The following KCNC2 variants were observed in gnomAD, a reference collection of about 807,000 sequenced individuals.
The protein encoded by KCNC2 is potassium voltage-gated channel subfamily C member 2, also known as voltage-gated potassium channel KCNC2.
In KCNC2, 21 loss-of-function variants were observed where a neutral mutation model predicts 44.5. The ratio of observed to expected loss-of-function variants is 0.47; its 90% CI spans 0.33 to 0.68. KCNC2 has a LOEUF of 0.68. KCNC2 is among the 30% of genes least tolerant of loss of function. The pLI, the probability that KCNC2 is intolerant of heterozygous loss-of-function variation, is 0.01. For synonymous variants in KCNC2, 391 were observed against 339.1 expected, an observed-to-expected ratio of 1.15 and a Z score of -1.68; for missense variants, 589 against 826.2, an observed-to-expected ratio of 0.71 and a Z score of 3.52.
At chr12:75,202,197 A>T (rs905889638) in intron 2 of KCNC2, among the ~76,000 whole-genome samples, 8 of 151,882 alleles carry the variant, frequency 5.3e-5, no homozygotes, top group African/African-American at 1.9e-4. Flanking sequence ...AGCTCTTAGC[A>T]AAATATTACA....
Position 75,040,696 on chromosome 12 carries a change from A to G in KCNC2, c.*2409T>C, listed in dbSNP as rs1370097768. 6.1e-6 allele frequency: 1 copy of G among 164,970 alleles called. No homozygotes were observed. The highest frequency in any genetic ancestry group is 1.3e-5 in the Non-Finnish European group (1 of 75,032). 10.2% of individuals were successfully genotyped at this position (164,970 alleles called of 1,614,324 possible). A position where few individuals can be genotyped will look rare whatever the true frequency, so the allele number is the denominator to read the frequency against. On this transcript the variant is annotated 3_prime_UTR_variant, in exon 5 of 5. Coordinates refer to ENST00000549446, the MANE Select transcript of KCNC2 (RefSeq NM_139137.4). ...ACATAATTGACAAGCTGATTACATCAGTAATTTATAAGAAAATTATACAAT... is the reference window on the plus strand; with the variant it reads ...ACATAATTGACAAGCTGATTACATCGGTAATTTATAAGAAAATTATACAAT...
At chr12:75,094,391 T>C (rs1228568775) in intron 2 of KCNC2, among the ~76,000 whole-genome samples, 1 of 151,666 alleles carries the variant, frequency 6.6e-6, no homozygotes. Flanking sequence ...CAGACTGATA[T>C]ATGAAAGGTG....
At position 75,043,709 on chromosome 12, in the gene KCNC2, G is replaced by A. The variant is rs750417557; in HGVS notation, c.1781-468C>T. 39 of 1,402,840 alleles carry A rather than the reference G, an allele frequency of 2.8e-5. 2 individuals carry two copies. In the South Asian group the frequency reaches 4.5e-4, roughly 16 times the overall value. 86.9% of individuals were successfully genotyped at this position (1,402,840 alleles called of 1,614,324 possible). Reference sequence around the variant, plus strand: ...GTTTAAATGGACAACTCTTTTTCCAGCATATTTAATCTTCCAGCTTTATAG... The same window carrying A: ...GTTTAAATGGACAACTCTTTTTCCAACATATTTAATCTTCCAGCTTTATAG... On this transcript the variant is annotated intron_variant, in intron 4 of 4. Transcript: ENST00000549446.
chr12:75,171,947 T>C (rs1277482156), intron 2 of KCNC2, among the ~76,000 whole-genome samples: 3 of 151,762 alleles, frequency 2.0e-5, no homozygotes. Context: ...TTATCATTTG[T>C]TCTCTTCTAT....
At position 75,042,206 on chromosome 12, in the gene KCNC2, A is replaced by G; in HGVS notation, c.*899T>C. 1 of 1,057,124 alleles carries G rather than the reference A, an allele frequency of 9.5e-7. No individual in the cohort carries two copies. The highest frequency in any genetic ancestry group is 3.6e-5 in the East Asian group (1 of 27,748). 65.5% of individuals were successfully genotyped at this position (1,057,124 alleles called of 1,614,324 possible). ...CTGAAAATGATGACAAACCCTGGGT[A>G]TTTTTTTTTTTTAAAGAGTCTAGAA... On this transcript the variant is annotated 3_prime_UTR_variant, in exon 5 of 5. Coordinates refer to ENST00000549446, the MANE Select transcript of KCNC2 (RefSeq NM_139137.4).
At chr12:75,142,885 G>GACA (rs1889754208) in intron 2 of KCNC2, among the ~76,000 whole-genome samples, 2 of 152,194 alleles carry the variant, frequency 1.3e-5, no homozygotes, top group Non-Finnish European at 2.9e-5. Flanking sequence ...TCCAAAGCAA[G>GACA]GGAACACAGA....
At chr12:75,108,478 C>A (rs541641873) in intron 2 of KCNC2, among the ~76,000 whole-genome samples, 2 of 152,192 alleles carry the variant, frequency 1.3e-5, no homozygotes, top group Non-Finnish European at 2.9e-5. Context: ...CCTTTCAACC[C>A]TCCACAGCCT....
At chr12:75,159,943 T>G (rs115403857) in intron 2 of KCNC2, among the ~76,000 whole-genome samples, 2,780 of 151,928 alleles carry the variant, frequency 0.018, 76 homozygotes, top group African/African-American at 0.063. Flanking sequence ...CAAGTGTCTG[T>G]CCCAGAGTAG....
rs1341314756 is a variant in KCNC2, at chr12:75,051,000, C to G, written c.1005G>C (p.Leu335=). 3 of 1,613,684 alleles carry G rather than the reference C, an allele frequency of 1.9e-6. No individual in the cohort carries two copies. Among genetic ancestry groups the G allele is most frequent in the Admixed American group, 1.7e-5 (1 of 59,938 alleles). ...PFYLEVGLSG[L]SSKAAKDVLG... is the part of the protein sequence containing the mutation. ...GCACATCTTTAGCAGCTTTGGATGA[C>G]AGCCCACTGAGTCCCACCTCTAAGT... The change falls in exon 3 of 5, where the codon CTG becomes CTC. Residue 335 remains leucine (L), a synonymous_variant. Transcript: ENST00000549446.
intron 2 of KCNC2, among the ~76,000 whole-genome samples, chr12:75,053,379 G>A (rs750256643): frequency 6.6e-6 from 1 of 151,302 alleles, no homozygotes; most frequent in Non-Finnish European, 1.5e-5. Flanking sequence ...CTTAGTAATG[G>A]GATGTGTGTG....
In KCNC2 at chr12:75,051,139, C is replaced by T; in HGVS notation, c.866G>A (p.Cys289Tyr). ...DPALTYVEGV[C>Y]VVWFTFEFLV... The stretch of plus-strand genomic sequence containing the variant: ...AAATTCAAAAGTAAACCACACCACA[C>T]ACACTCCTTCTACATACGTCAAGGC... Residue 289 changes from cysteine (C) to tyrosine (Y), a missense_variant, in exon 3 of 5, where the codon TGT (cysteine) becomes TAT (tyrosine). By Grantham distance (194) the Cys-to-Tyr change is radical (BLOSUM62 -2). This residue lies in a region of KCNC2 where 40 missense variants were observed against 40.6 expected (regional missense o/e 0.99). Transcript: ENST00000549446. The T allele has an allele frequency of 6.2e-7, 1 of 1,613,886 alleles. No homozygotes were observed. The highest frequency in any genetic ancestry group is 8.5e-7 in the Non-Finnish European group (1 of 1,179,856).
chr12:75,129,263 T>C (rs1357672811), intron 2 of KCNC2, among the ~76,000 whole-genome samples: 1 of 152,166 alleles, frequency 6.6e-6, no homozygotes, highest in Non-Finnish European at 1.5e-5. Flanking sequence ...CGGGGTGCCA[T>C]GACGCTAACA....
At chr12:75,142,425 A>G (rs959094028) in intron 2 of KCNC2, among the ~76,000 whole-genome samples, 2 of 152,230 alleles carry the variant, frequency 1.3e-5, no homozygotes, top group East Asian at 3.8e-4. Context: ...ACAGTTTTTG[A>G]AGCCCTCTTG....
intron 2 of KCNC2, among the ~76,000 whole-genome samples, chr12:75,069,732 C>T (rs558459713): frequency 6.6e-6 from 1 of 152,310 alleles, no homozygotes; most frequent in African/African-American, 2.4e-5. Flanking sequence ...TGAGTAGAAG[C>T]TTCTTGCAGA....
intron 2 of KCNC2, among the ~76,000 whole-genome samples, chr12:75,075,326 G>A (rs1883824658): frequency 6.6e-6 from 1 of 151,618 alleles, no homozygotes; most frequent in East Asian, 1.9e-4. Flanking sequence ...GAGATGCCAT[G>A]ATTCCTTTTT....
At chr12:75,052,993 T>C (rs556580540) in intron 2 of KCNC2, among the ~76,000 whole-genome samples, 1 of 152,280 alleles carries the variant, frequency 6.6e-6, no homozygotes, top group Non-Finnish European at 1.5e-5. Flanking sequence ...TTTTATGAGA[T>C]AATAACATTC....
chr12:75,186,203 T>C (rs1039504886), intron 2 of KCNC2, among the ~76,000 whole-genome samples: 2 of 150,452 alleles, frequency 1.3e-5, no homozygotes, highest in African/African-American at 5.0e-5. Flanking sequence ...TTCTGGCTTC[T>C]CTGAGGCGCC....
At chr12:75,155,968 T>A (rs1172401327) in intron 2 of KCNC2, among the ~76,000 whole-genome samples, 1 of 151,820 alleles carries the variant, frequency 6.6e-6, no homozygotes, top group African/African-American at 2.4e-5. Flanking sequence ...GACAAGTACC[T>A]ACAATGAGGC....
In KCNC2 at chr12:75,175,525, A is replaced by C. The variant is rs139672978; in HGVS notation, c.687+31772T>G. On this transcript the variant is annotated intron_variant, in intron 2 of 4. Coordinates refer to ENST00000549446, the MANE Select transcript of KCNC2 (RefSeq NM_139137.4). The stretch of plus-strand genomic sequence containing the variant: ...TGGTTTTAGTTGATGGGTACAAGGG[A>C]CTATTTCTGGTCAATGAATTGCAAG... 3.9e-3 allele frequency among the ~76,000 whole-genome samples: 588 copies of C among 152,042 alleles called. 7 individuals are homozygous for C. Among genetic ancestry groups the C allele is most frequent in the African/African-American group, 0.014 (567 of 41,520 alleles).
Sources: gnomAD v4.1 joint callset for allele counts (sites outside exome capture counted in the v4.1 genomes callset) on GRCh38, gnomAD v4.1.1 for gene constraint, gnomAD v4.1.1 regional missense constraint, MANE v1.5 for transcripts, NCBI Gene and HGNC (gene_info 2026-07-23, HGNC 2026-07-21) for gene names.